TAF4B: variants seen among roughly 807,000 people sequenced by gnomAD.
The protein encoded by TAF4B is transcription initiation factor TFIID subunit 4B.
Under a neutral mutation model 86.4 loss-of-function variants are expected in TAF4B, and 38 were observed. The ratio of observed to expected loss-of-function variants is 0.44; its 90% CI spans 0.34 to 0.58. The LOEUF (loss-of-function observed/expected upper bound fraction) is 0.58. Among genes scored for constraint, TAF4B ranks in the 20% least tolerant of loss-of-function variants. The pLI is 0.02. For synonymous variants in TAF4B, 388 were observed against 391.2 expected, an observed-to-expected ratio of 0.99 and a Z score of 0.10; for missense variants, 988 against 1,027.6, an observed-to-expected ratio of 0.96 and a Z score of 0.53.
chr18:26,332,688 C>G lies in TAF4B; in HGVS notation c.2260-2487C>G, dbSNP rs183850533. Among the ~76,000 whole-genome samples, 6 of 152,216 alleles carry G rather than the reference C, an allele frequency of 3.9e-5. No individual in the cohort carries two copies. The East Asian group carries it at 1.2e-3, about 29-fold the overall frequency. The stretch of plus-strand genomic sequence containing the variant: ...GGGATTACAGGTGCCCGCCACCATG[C>G]CTGGCTACTTTTTGCATTATTAGTA... On this transcript the variant is annotated intron_variant, in intron 12 of 14. Coordinates refer to ENST00000269142, the MANE Select transcript of TAF4B (RefSeq NM_005640.3).
At chr18:26,315,104 C>CTCTCTG (rs2144664341) in intron 9 of TAF4B, 125 bp from the exon 10 acceptor site, 1 of 192,474 alleles carries the variant, frequency 5.2e-6, no homozygotes, top group African/African-American at 7.2e-5. Flanking sequence ...AACTCTCTCT[C>CTCTCTG]TCTCTCTCTC....
intron 6 of TAF4B, among the ~76,000 whole-genome samples, chr18:26,285,210 C>CTTTTTTTTTT (rs113394710): frequency 9.4e-5 from 4 of 42,544 alleles, no homozygotes; most frequent in South Asian, 1.3e-3. Context: ...TCTTCCTTTC[C>CTTTTTTTTTT]TTTTTTTTTT....
intron 14 of TAF4B, among the ~76,000 whole-genome samples, chr18:26,379,725 A>G (rs572327424): frequency 6.6e-6 from 1 of 152,184 alleles, no homozygotes; most frequent in South Asian, 2.1e-4. Flanking sequence ...TCTTACAAAA[A>G]TGTCTAGGTA....
chr18:26,322,076 A>ATAAC (rs1289241802), intron 11 of TAF4B, among the ~76,000 whole-genome samples: 1 of 152,116 alleles, frequency 6.6e-6, no homozygotes, highest in Non-Finnish European at 1.5e-5. Context: ...AAATAAATAA[A>ATAAC]TAAGATAACT....
rs2056741972 is a variant in TAF4B at position 26,302,246 on chromosome 18, T to TAA, written c.1832+8717_1832+8718dup. ...TTTGATGAACAGAAATTCTTAATTT[T>TAA]AAAGTTGTTGAATTTGGCAGTTTCT... On this transcript the variant is annotated intron_variant, in intron 9 of 14. Transcript: ENST00000269142. Among the ~76,000 whole-genome samples the TAA allele has an allele frequency of 5.3e-5, 8 of 152,176 alleles. No individual in the cohort carries two copies. In the South Asian group the frequency reaches 1.5e-3, roughly 28 times the overall value.
intron 9 of TAF4B, among the ~76,000 whole-genome samples, chr18:26,295,823 G>A (rs1376966320): frequency 2.0e-5 from 3 of 152,078 alleles, no homozygotes; most frequent in Admixed American, 1.3e-4. Flanking sequence ...AGAACTTCAG[G>A]ATTTTTTATT....
At chr18:26,332,131 C>G (rs1305966193) in intron 12 of TAF4B, among the ~76,000 whole-genome samples, 2 of 152,170 alleles carry the variant, frequency 1.3e-5, no homozygotes, top group African/African-American at 2.4e-5. Context: ...TCTCTACTCT[C>G]TTAGAAAGTT....
At chr18:26,344,432 ACTTTCAACTTAAAATC>A (rs560084796) in intron 13 of TAF4B, among the ~76,000 whole-genome samples, 87 of 152,268 alleles carry the variant, frequency 5.7e-4, no homozygotes, top group South Asian at 3.3e-3. Flanking sequence ...TTTAAAAGGA[ACTTTCAACTTAAAATC>A]CTATATATCA....
intron 1 of TAF4B, among the ~76,000 whole-genome samples, chr18:26,241,871 C>T (rs1451932762): frequency 6.6e-6 from 1 of 152,182 alleles, no homozygotes; most frequent in Non-Finnish European, 1.5e-5. Context: ...GCAGGTTGTT[C>T]AGTTTCCATG....
At chr18:26,356,195 C>T (rs768415630) in intron 13 of TAF4B, among the ~76,000 whole-genome samples, 4 of 152,016 alleles carry the variant, frequency 2.6e-5, no homozygotes, top group Admixed American at 6.6e-5. Context: ...GTGGAAGGGG[C>T]GAGGGGTTTC....
chr18:26,299,564 C>G (rs541914981), intron 9 of TAF4B, among the ~76,000 whole-genome samples: 26 of 152,138 alleles, frequency 1.7e-4, no homozygotes, highest in Middle Eastern at 6.8e-3. Flanking sequence ...GTCTTCCCCC[C>G]CTCCTTTGTT....
intron 12 of TAF4B, among the ~76,000 whole-genome samples, chr18:26,333,327 T>G (rs2057066367): frequency 6.6e-6 from 1 of 151,804 alleles, no homozygotes; most frequent in Non-Finnish European, 1.5e-5. Flanking sequence ...TTCAAACGAT[T>G]CTTAGGTCTC....
intron 14 of TAF4B, among the ~76,000 whole-genome samples, chr18:26,383,852 G>A (rs1978306916): frequency 6.6e-6 from 1 of 152,180 alleles, no homozygotes; most frequent in Admixed American, 6.5e-5. Flanking sequence ...GAGATCTGTT[G>A]CTTCAGAAGT....
chr18:26,378,184 G>A (rs2057455568), intron 14 of TAF4B, among the ~76,000 whole-genome samples: 1 of 152,098 alleles, frequency 6.6e-6, no homozygotes, highest in African/African-American at 2.4e-5. Context: ...CTTGGGGCCA[G>A]CAGTACTAAA....
chr18:26,353,672 C>T (rs2057262887), intron 13 of TAF4B, among the ~76,000 whole-genome samples: 1 of 152,168 alleles, frequency 6.6e-6, no homozygotes, highest in African/African-American at 2.4e-5. Context: ...ATGCTTTCTT[C>T]CAATGATTAG....
intron 6 of TAF4B, among the ~76,000 whole-genome samples, chr18:26,285,222 G>GTTTTTGTTTTTGTTTTTGTTTTTTT: frequency 8.8e-5 from 4 of 45,660 alleles, no homozygotes; most frequent in Admixed American, 3.1e-4. Flanking sequence ...TTTTTTTTTT[G>GTTTTTGTTTTTGTTTTTGTTTTTTT]TTTTTTTTTT....
At chr18:26,277,102 G>T (rs1254901071) in intron 5 of TAF4B, among the ~76,000 whole-genome samples, 1 of 151,216 alleles carries the variant, frequency 6.6e-6, no homozygotes, top group African/African-American at 2.4e-5. Flanking sequence ...TTTTTTTTGA[G>T]ATAGGGTCTT....
At chr18:26,268,165 G>A (rs184490289) in intron 3 of TAF4B, among the ~76,000 whole-genome samples, 28 of 152,280 alleles carry the variant, frequency 1.8e-4, no homozygotes, top group Admixed American at 1.8e-3. Context: ...GAAGCCTGAT[G>A]GAACTTATAA....
chr18:26,365,075 C>T (rs749769516), intron 14 of TAF4B, among the ~76,000 whole-genome samples: 5 of 143,426 alleles, frequency 3.5e-5, no homozygotes, highest in Non-Finnish European at 7.5e-5. Context: ...GTCGTAATCT[C>T]GGCTCACTGC....
Sources: gnomAD v4.1 joint callset for allele counts (sites outside exome capture counted in the v4.1 genomes callset) on GRCh38, gnomAD v4.1.1 for gene constraint, MANE v1.5 for transcripts, NCBI Gene and HGNC (gene_info 2026-07-23, HGNC 2026-07-21) for gene names.